Variants in ABCB5 observed in about 807,000 individuals in gnomAD.
ABCB5 encodes the protein ATP binding cassette subfamily B member 5.
A neutral mutation model predicts 144.2 loss-of-function variants in ABCB5; 155 were observed. The observed-to-expected ratio is 1.08, with a 90% CI of 0.94 to 1.23. The LOEUF (loss-of-function observed/expected upper bound fraction) is 1.23. Among genes scored for constraint, ABCB5 ranks in the 50% most tolerant of loss-of-function variants. ABCB5 has a pLI of 0.00. For missense variants in ABCB5, 1,830 were observed against 1,520.8 expected (o/e 1.20, Z -3.38); for synonymous variants, 610 against 528.6 (o/e 1.15, Z -2.11).
chr7:20,657,798 T>C (rs749990876), intron 13 of ABCB5, among the ~76,000 whole-genome samples: 6 of 152,212 alleles, frequency 3.9e-5, no homozygotes, highest in Non-Finnish European at 5.9e-5. Flanking sequence ...ATTTTTTAAA[T>C]GTGAAGATCA....
chr7:20,653,969 G>C (rs190282035), intron 13 of ABCB5, among the ~76,000 whole-genome samples: 1 of 152,138 alleles, frequency 6.6e-6, no homozygotes, highest in Non-Finnish European at 1.5e-5. Flanking sequence ...TAGGAGTCAG[G>C]ACCACACCTT....
At chr7:20,730,955 T>C (rs191873883) in intron 23 of ABCB5, among the ~76,000 whole-genome samples, 67 of 152,312 alleles carry the variant, frequency 4.4e-4, no homozygotes, top group African/African-American at 1.6e-3. Context: ...TTCATACTAA[T>C]GTACGAGGTT....
intron 15 of ABCB5, among the ~76,000 whole-genome samples, chr7:20,681,939 G>A (rs745566877): frequency 1.8e-4 from 27 of 152,076 alleles, no homozygotes; most frequent in Non-Finnish European, 3.4e-4. Flanking sequence ...AGAAAGGGTG[G>A]CTCACACCTG....
intron 2 of ABCB5, among the ~76,000 whole-genome samples, chr7:20,625,077 G>C (rs1444792175): frequency 6.6e-6 from 1 of 152,336 alleles, no homozygotes; most frequent in East Asian, 1.9e-4. Context: ...CAAGAGAAGA[G>C]GGTTTACTGG....
In ABCB5 at chr7:20,669,052, G is replaced by A. The variant is rs1785354887; in HGVS notation, c.1707+10376G>A. ...GCCTCTGCCCGGCCGCCCCTACTGGGAAGTGAGGAGCCCCTCTGCCTGGCC... is the reference window on the plus strand; with the variant it reads ...GCCTCTGCCCGGCCGCCCCTACTGGAAAGTGAGGAGCCCCTCTGCCTGGCC... On this transcript the variant is annotated intron_variant, in intron 14 of 27. Coordinates refer to ENST00000404938, the MANE Select transcript of ABCB5 (RefSeq NM_001163941.2). Among the ~76,000 whole-genome samples the A allele has an allele frequency of 2.9e-5, 4 of 137,772 alleles. No individual in the cohort carries two copies. The South Asian group carries it at 7.7e-4, about 26-fold the overall frequency. The allele number at this position is 137,772 out of a possible 152,430, so 90.4% of individuals were successfully genotyped here. A position where few individuals can be genotyped will look rare whatever the true frequency, so the allele number is the denominator to read the frequency against.
intron 13 of ABCB5, among the ~76,000 whole-genome samples, chr7:20,657,440 C>T (rs1784846024): frequency 6.6e-6 from 1 of 152,130 alleles, no homozygotes; most frequent in Non-Finnish European, 1.5e-5. Flanking sequence ...CACTACTTAG[C>T]AATAAATAGG....
chr7:20,632,214 A>G, intron 5 of ABCB5, 101 bp downstream of exon 5: 2 of 688,006 alleles, frequency 2.9e-6, no homozygotes, highest in Non-Finnish European at 4.7e-6. Context: ...CATTAATATT[A>G]CATAACAAAT....
chr7:20,748,366 A>T (rs56202111), intron 26 of ABCB5, among the ~76,000 whole-genome samples: 62,089 of 151,750 alleles, frequency 0.41, 13,739 homozygotes, highest in African/African-American at 0.59. Flanking sequence ...AATTAATTTT[A>T]TCTGAAGGTG....
At chr7:20,658,285 A>G (rs1784876977) in intron 13 of ABCB5, among the ~76,000 whole-genome samples, 1 of 150,906 alleles carries the variant, frequency 6.6e-6, no homozygotes, top group African/African-American at 2.4e-5. Flanking sequence ...AATTTATTTT[A>G]GTCCTAGCCA....
At chr7:20,685,890 A>G (rs1785978077) in intron 16 of ABCB5, 54 bp downstream of exon 16, 1 of 1,512,664 alleles carries the variant, frequency 6.6e-7, no homozygotes, top group Admixed American at 2.2e-5. Flanking sequence ...ATTTTGATTT[A>G]ATCCTTACAA....
intron 14 of ABCB5, among the ~76,000 whole-genome samples, chr7:20,670,380 AGAAAAAG>A (rs1286536382): frequency 1.4e-5 from 2 of 139,634 alleles, no homozygotes; most frequent in Non-Finnish European, 1.5e-5. Flanking sequence ...TTCTAAAAAA[AGAAAAAG>A]AAAAAAAAAA....
intron 5 of ABCB5, among the ~76,000 whole-genome samples, chr7:20,642,326 T>A (rs1784311561): frequency 6.6e-6 from 1 of 152,202 alleles, no homozygotes; most frequent in Non-Finnish European, 1.5e-5. Context: ...GGGAGAAATA[T>A]TTTTCCTCTC....
intron 16 of ABCB5, among the ~76,000 whole-genome samples, chr7:20,694,777 C>A (rs1786351338): frequency 6.6e-6 from 1 of 151,872 alleles, no homozygotes; most frequent in Admixed American, 6.6e-5. Context: ...ATACTAAAAT[C>A]AATCCCAATT....
intron 27 of ABCB5, among the ~76,000 whole-genome samples, chr7:20,754,862 C>T (rs865870359): frequency 2.8e-4 from 43 of 152,104 alleles, no homozygotes; most frequent in African/African-American, 1.0e-3. Context: ...AGTTTAGAAC[C>T]ACTAACATAT....
At chr7:20,666,843 C>A in intron 14 of ABCB5, 1 of 1,513,520 alleles carries the variant, frequency 6.6e-7, no homozygotes. Flanking sequence ...ATGAATTGCA[C>A]TATCTCCCTA....
chr7:20,622,489 T>C (rs972435986), intron 1 of ABCB5, among the ~76,000 whole-genome samples: 2 of 152,152 alleles, frequency 1.3e-5, no homozygotes, highest in Admixed American at 6.5e-5. Flanking sequence ...ATTAGCTTTT[T>C]CAGATGCTTA....
chr7:20,732,655 T>C (rs140912972), intron 23 of ABCB5, among the ~76,000 whole-genome samples: 1 of 152,228 alleles, frequency 6.6e-6, no homozygotes, highest in Non-Finnish European at 1.5e-5. Flanking sequence ...TCACAAATTT[T>C]TCTAATTTTC....
At chr7:20,704,399 T>C (rs529339300) in intron 19 of ABCB5, among the ~76,000 whole-genome samples, 1 of 152,302 alleles carries the variant, frequency 6.6e-6, no homozygotes, top group South Asian at 2.1e-4. Context: ...GAATTATGTC[T>C]GCTTTTCACA....
chr7:20,647,368 A>G, intron 9 of ABCB5, 167 bp from the exon 10 acceptor site: 3 of 1,350,114 alleles, frequency 2.2e-6, no homozygotes, highest in Non-Finnish European at 2.8e-6. Context: ...TTTGGCTAAG[A>G]TCAAGTGTAA....
Sources: allele counts gnomAD v4.1 joint callset (sites outside exome capture counted in the v4.1 genomes callset), GRCh38; gene constraint gnomAD v4.1.1; transcripts MANE v1.5; gene names NCBI Gene and HGNC (gene_info 2026-07-23, HGNC 2026-07-21).